The following LIN9 variants were observed in gnomAD, a reference collection of about 807,000 sequenced individuals.
The protein encoded by LIN9 is lin-9 DREAM MuvB core complex component.
Under a neutral mutation model 78.0 loss-of-function variants are expected in LIN9, and 18 were observed. The ratio of observed to expected loss-of-function variants is 0.23; its 90% CI spans 0.16 to 0.34. The LOEUF (loss-of-function observed/expected upper bound fraction) is 0.34, where lower values mean the gene tolerates loss of function less well. Among genes scored for constraint, LIN9 ranks in the 10% least tolerant of loss-of-function variants. The pLI is 1.00. For synonymous variants in LIN9, 192 were observed against 215.2 expected, an observed-to-expected ratio of 0.89 and a Z score of 0.94; for missense variants, 451 against 644.1, an observed-to-expected ratio of 0.70 and a Z score of 3.25.
intron 14 of LIN9, 85 bp from the exon 15 acceptor site, chr1:226,232,691 G>A: frequency 2.9e-6 from 2 of 696,930 alleles, no homozygotes; most frequent in Non-Finnish European, 4.8e-6. Flanking sequence ...ATTTTAGTTA[G>A]GAAACAGCTA....
chr1:226,233,750 T>C (rs1168702184), intron 12 of LIN9, among the ~76,000 whole-genome samples: 1 of 152,238 alleles, frequency 6.6e-6, no homozygotes, highest in Admixed American at 6.5e-5. Flanking sequence ...GTTAAAAGAA[T>C]AAAACAAAGA....
rs182323206 is a variant in LIN9, at chr1:226,288,503, T to C, written c.265-706A>G. Reference sequence around the variant, plus strand: ...AGAAGATAAAACTACCATTTCCTTGTAGGTGAAAACTCAAGAAAATCAACT... The same window carrying C: ...AGAAGATAAAACTACCATTTCCTTGCAGGTGAAAACTCAAGAAAATCAACT... On this transcript the variant is annotated intron_variant, in intron 4 of 14. Coordinates refer to ENST00000681046, the MANE Select transcript of LIN9 (RefSeq NM_001366245.2). Among the ~76,000 whole-genome samples, 291 of 152,284 alleles carry C rather than the reference T, an allele frequency of 1.9e-3. 3 individuals carry two copies. Among genetic ancestry groups the C allele is most frequent in the African/African-American group, 6.7e-3 (279 of 41,572 alleles).
intron 10 of LIN9, among the ~76,000 whole-genome samples, chr1:226,257,467 T>G (rs942622217): frequency 1.3e-5 from 2 of 152,210 alleles, no homozygotes; most frequent in Non-Finnish European, 2.9e-5. Context: ...TATATGCTTA[T>G]GCATGCTTAG....
intron 10 of LIN9, among the ~76,000 whole-genome samples, chr1:226,258,392 T>G (rs1018375045): frequency 6.6e-6 from 1 of 151,224 alleles, no homozygotes; most frequent in Non-Finnish European, 1.5e-5. Flanking sequence ...TCCTAGCTAC[T>G]TGGGAGGCTG....
chr1:226,244,301 G>A (rs1309451230), intron 11 of LIN9, among the ~76,000 whole-genome samples: 4 of 151,168 alleles, frequency 2.6e-5, no homozygotes, highest in Non-Finnish European at 4.4e-5. Context: ...GCGCGGTGGC[G>A]CATGCCTGTA....
Position 226,266,337 on chromosome 1 carries a change from G to A in LIN9, c.817-5C>T, listed in dbSNP as rs760454513. 2.5e-6 allele frequency: 4 copies of A among 1,578,792 alleles called. No individual in the cohort carries two copies. Among genetic ancestry groups the A allele is most frequent in the Non-Finnish European group, 3.4e-6 (4 of 1,161,726 alleles). On this transcript the variant is annotated splice_region_variant and splice_polypyrimidine_tract_variant and intron_variant, in intron 8 of 14. Coordinates refer to ENST00000681046, the MANE Select transcript of LIN9 (RefSeq NM_001366245.2). ...TGTCTCATGAGGTTCATTACTCTGA[G>A]AAAACAGAATAATTCACAAAACTTA...
chr1:226,241,560 C>CA (rs1276603539), intron 11 of LIN9, among the ~76,000 whole-genome samples: 1 of 152,146 alleles, frequency 6.6e-6, no homozygotes, highest in Non-Finnish European at 1.5e-5. Flanking sequence ...TAATGCATTA[C>CA]AAAATGGGGT....
chr1:226,255,622 T>C (rs913671846), intron 10 of LIN9, among the ~76,000 whole-genome samples: 2 of 152,130 alleles, frequency 1.3e-5, no homozygotes, highest in African/African-American at 4.8e-5. Context: ...ATGTTGAAAT[T>C]TGAAAGAACT....
chr1:226,293,093 CGA>C (rs1001094121), intron 4 of LIN9, among the ~76,000 whole-genome samples: 4 of 151,758 alleles, frequency 2.6e-5, no homozygotes, highest in Non-Finnish European at 5.9e-5. Flanking sequence ...AGACAAAATA[CGA>C]GAGATTTAGA....
chr1:226,237,862 A>T (rs1404190858), intron 12 of LIN9, among the ~76,000 whole-genome samples: 1 of 150,700 alleles, frequency 6.6e-6, no homozygotes, highest in Non-Finnish European at 1.5e-5. Flanking sequence ...CTGAGGCAGG[A>T]GAATTGCTTG....
intron 11 of LIN9, among the ~76,000 whole-genome samples, chr1:226,249,269 T>C (rs576050398): frequency 2.0e-5 from 3 of 152,316 alleles, no homozygotes; most frequent in Non-Finnish European, 4.4e-5. Flanking sequence ...TAGAGTCCAG[T>C]AGGAAAGAAG....
chr1:226,298,688 C>A (rs1204807255), intron 2 of LIN9, among the ~76,000 whole-genome samples: 1 of 152,046 alleles, frequency 6.6e-6, no homozygotes, highest in African/African-American at 2.4e-5. Context: ...TGGTGAAACG[C>A]CACCTCTACA....
chr1:226,279,311 A>G (rs948069748), intron 6 of LIN9, among the ~76,000 whole-genome samples: 1 of 151,324 alleles, frequency 6.6e-6, no homozygotes, highest in Non-Finnish European at 1.5e-5. Context: ...TGCTAAAAAT[A>G]AAAAAATTAG....
At chr1:226,276,999 TAGGAA>T (rs1290563236) in intron 7 of LIN9, among the ~76,000 whole-genome samples, 1 of 151,874 alleles carries the variant, frequency 6.6e-6, no homozygotes, top group Non-Finnish European at 1.5e-5. Context: ...CAAGGCTAGT[TAGGAA>T]AGGAAAACAA....
At chr1:226,293,093 C>T (rs578226155) in intron 4 of LIN9, among the ~76,000 whole-genome samples, 4 of 151,874 alleles carry the variant, frequency 2.6e-5, no homozygotes, top group South Asian at 4.2e-4. Context: ...AGACAAAATA[C>T]GAGAGATTTA....
intron 1 of LIN9, among the ~76,000 whole-genome samples, chr1:226,302,206 T>C (rs1016938556): frequency 1.3e-5 from 2 of 152,188 alleles, no homozygotes; most frequent in Non-Finnish European, 2.9e-5. Context: ...CTACAGGTTC[T>C]GGTGTGAATG....
intron 12 of LIN9, among the ~76,000 whole-genome samples, chr1:226,237,986 T>C (rs768807852): frequency 1.5e-4 from 23 of 149,716 alleles, no homozygotes; most frequent in Non-Finnish European, 2.1e-4. Context: ...ATATCACAAA[T>C]AGAGGTGGCT....
At chr1:226,236,021 T>C (rs1216700362) in intron 12 of LIN9, among the ~76,000 whole-genome samples, 1 of 152,170 alleles carries the variant, frequency 6.6e-6, no homozygotes, top group Non-Finnish European at 1.5e-5. Flanking sequence ...TGTCAGTAAA[T>C]AGAGAACTTC....
At chr1:226,309,057 C>T (rs1197983375) in intron 1 of LIN9, 52 bp downstream of exon 1, 27 of 1,304,524 alleles carry the variant, frequency 2.1e-5, no homozygotes, top group Admixed American at 9.2e-5. Context: ...GGTGCAACCG[C>T]TGGGCAAGCA....
Sources: allele counts gnomAD v4.1 joint callset (sites outside exome capture counted in the v4.1 genomes callset), GRCh38; gene constraint gnomAD v4.1.1; transcripts MANE v1.5; gene names NCBI Gene and HGNC (gene_info 2026-07-23, HGNC 2026-07-21).